MYT1L: variants seen among roughly 807,000 people sequenced by gnomAD.
MYT1L encodes myelin transcription factor 1-like protein.
Under a neutral mutation model 126.7 loss-of-function variants are expected in MYT1L, and 12 were observed. The ratio of observed to expected loss-of-function variants is 0.09; its 90% CI spans 0.06 to 0.15. The LOEUF is 0.15. Among genes scored for constraint, MYT1L ranks in the 10% least tolerant of loss-of-function variants. The pLI, the probability that MYT1L is intolerant of heterozygous loss-of-function variation, is 1.00. For missense variants in MYT1L, 979 were observed against 1,585.2 expected (o/e 0.62, Z 6.49); for synonymous variants, 541 against 604.2 (o/e 0.90, Z 1.53).
chr2:2,190,020 T>C (rs563748658), intron 2 of MYT1L, among the ~76,000 whole-genome samples: 2 of 152,350 alleles, frequency 1.3e-5, no homozygotes, highest in South Asian at 2.1e-4. Context: ...CTGGTTTTTC[T>C]GAGAGGAAGC....
intron 18 of MYT1L, among the ~76,000 whole-genome samples, chr2:1,877,315 G>A (rs2047036328): frequency 6.6e-6 from 1 of 152,202 alleles, no homozygotes; most frequent in South Asian, 2.1e-4. Flanking sequence ...TATATGCTAA[G>A]CAGAAAAGCA....
intron 23 of MYT1L, among the ~76,000 whole-genome samples, chr2:1,794,423 G>A (rs2032964204): frequency 6.6e-6 from 1 of 152,206 alleles, no homozygotes; most frequent in Non-Finnish European, 1.5e-5. Context: ...AACTCACACT[G>A]AGCTGTGCAG....
chr2:1,968,644 C>T (rs928442845), intron 8 of MYT1L, among the ~76,000 whole-genome samples: 1 of 152,130 alleles, frequency 6.6e-6, no homozygotes, highest in Non-Finnish European at 1.5e-5. Context: ...CAGAGGCTTG[C>T]GAAGGCTCAC....
At chr2:1,824,019 G>A (rs980886413) in intron 21 of MYT1L, among the ~76,000 whole-genome samples, 6 of 152,186 alleles carry the variant, frequency 3.9e-5, no homozygotes, top group African/African-American at 9.6e-5. Context: ...CGGGGCCGCC[G>A]GGCAGAGGTG....
chr2:1,988,668 G>A (rs575242670), intron 5 of MYT1L, among the ~76,000 whole-genome samples: 7 of 152,292 alleles, frequency 4.6e-5, no homozygotes, highest in Non-Finnish European at 5.9e-5. Context: ...CCTGCTTACC[G>A]CATTGGGTGG....
intron 3 of MYT1L, among the ~76,000 whole-genome samples, chr2:2,122,633 G>A (rs75294872): frequency 6.6e-6 from 1 of 152,288 alleles, no homozygotes; most frequent in Non-Finnish European, 1.5e-5. Context: ...CCATTACTTG[G>A]ACATTGTTGT....
At chr2:1,809,223 A>AGGGCT in intron 21 of MYT1L, 56 bp from the exon 22 acceptor site, 2 of 1,515,998 alleles carry the variant, frequency 1.3e-6, no homozygotes, top group Non-Finnish European at 1.8e-6. Context: ...CCAGCCCTGC[A>AGGGCT]GGGAAGTGGT....
intron 1 of MYT1L, among the ~76,000 whole-genome samples, chr2:2,306,394 T>C (rs1371196796): frequency 2.6e-5 from 4 of 152,134 alleles, no homozygotes; most frequent in Admixed American, 1.3e-4. Context: ...TAAAGTAAAA[T>C]GCTGTGTGTA....
intron 1 of MYT1L, among the ~76,000 whole-genome samples, chr2:2,322,993 G>A (rs556981181): frequency 2.7e-4 from 41 of 152,216 alleles, no homozygotes; most frequent in Non-Finnish European, 4.1e-4. Flanking sequence ...AAAAAGAAAT[G>A]TGTCTGTGTG....
chr2:1,884,873 G>C (rs2047978229), intron 18 of MYT1L, among the ~76,000 whole-genome samples: 1 of 152,184 alleles, frequency 6.6e-6, no homozygotes, highest in Admixed American at 6.5e-5. Flanking sequence ...AATGCTAAAG[G>C]TGGGGACCGT....
intron 9 of MYT1L, among the ~76,000 whole-genome samples, chr2:1,933,879 A>AT (rs2055357882): frequency 6.6e-6 from 1 of 152,052 alleles, no homozygotes; most frequent in African/African-American, 2.4e-5. Context: ...ACTTATTTAC[A>AT]TTTAAATAAA....
chr2:1,844,579 G>A (rs1286523833), intron 19 of MYT1L, among the ~76,000 whole-genome samples: 1 of 152,184 alleles, frequency 6.6e-6, no homozygotes, highest in Non-Finnish European at 1.5e-5. Flanking sequence ...GCTATGTATA[G>A]GCTGTGCAGA....
At chr2:2,234,549 C>T (rs568054710) in intron 2 of MYT1L, among the ~76,000 whole-genome samples, 103 of 152,254 alleles carry the variant, frequency 6.8e-4, no homozygotes, top group Middle Eastern at 6.8e-3. Flanking sequence ...AGCAGTGTGG[C>T]GTGGAACCCC....
chr2:2,038,700 GGAACCCAATCC>G (rs1237929565), intron 4 of MYT1L, among the ~76,000 whole-genome samples: 1 of 151,994 alleles, frequency 6.6e-6, no homozygotes, highest in Non-Finnish European at 1.5e-5. Context: ...AGTACACTCT[GGAACCCAATCC>G]GAACTCCCTG....
chr2:2,260,101 C>T (rs1482605333), intron 2 of MYT1L, among the ~76,000 whole-genome samples: 2 of 152,160 alleles, frequency 1.3e-5, no homozygotes, highest in Non-Finnish European at 2.9e-5. Flanking sequence ...TTAGTGTTTT[C>T]AGATGCACTC....
At chr2:2,308,625 C>A (rs532237582) in intron 1 of MYT1L, among the ~76,000 whole-genome samples, 1 of 152,064 alleles carries the variant, frequency 6.6e-6, no homozygotes, top group Non-Finnish European at 1.5e-5. Flanking sequence ...ACTTATACTT[C>A]CGTATAACCT....
chr2:1,903,488 G>T (rs887055701), intron 13 of MYT1L, among the ~76,000 whole-genome samples, 194 bp from the exon 14 acceptor site: 1 of 152,122 alleles, frequency 6.6e-6, no homozygotes, highest in Non-Finnish European at 1.5e-5. Context: ...CAAATAAACT[G>T]CCTAACAGTC....
chr2:2,007,421 A>T (rs1193799337), intron 4 of MYT1L, among the ~76,000 whole-genome samples: 1 of 152,224 alleles, frequency 6.6e-6, no homozygotes, highest in African/African-American at 2.4e-5. Context: ...GGTTAAGGAA[A>T]AAAACAAAAC....
At chr2:2,309,141 T>C (rs986071449) in intron 1 of MYT1L, among the ~76,000 whole-genome samples, 10 of 151,746 alleles carry the variant, frequency 6.6e-5, no homozygotes, top group Non-Finnish European at 1.0e-4. Flanking sequence ...ACTCTAACCA[T>C]ACTCTGCCTA....
Sources: gnomAD v4.1 joint callset for allele counts (sites outside exome capture counted in the v4.1 genomes callset) on GRCh38, gnomAD v4.1.1 for gene constraint, MANE v1.5 for transcripts, NCBI Gene and HGNC (gene_info 2026-07-23, HGNC 2026-07-21) for gene names.